SMG1: variants seen among roughly 807,000 people sequenced by gnomAD.
SMG1 encodes the protein SMG1 nonsense mediated mRNA decay associated PI3K related kinase, also known as serine/threonine-protein kinase SMG1.
Under a neutral mutation model 419.9 loss-of-function variants are expected in SMG1, and 22 were observed. That is an observed-to-expected ratio of 0.05 (90% CI 0.04 to 0.07). The LOEUF is 0.07. Among genes scored for constraint, SMG1 ranks in the 10% least tolerant of loss-of-function variants. SMG1 has a pLI of 1.00. For missense variants in SMG1, 3,185 were observed against 4,342.0 expected (o/e 0.73, Z 7.49); for synonymous variants, 1,538 against 1,553.5 (o/e 0.99, Z 0.23).
At chr16:18,814,877 C>CT (rs10582593) in intron 60 of SMG1, among the ~76,000 whole-genome samples, 1,457 of 123,938 alleles carry the variant, frequency 0.012, 32 homozygotes, top group African/African-American at 0.031. Flanking sequence ...CTCGCCCGGC[C>CT]TTTTTTTTTT....
At chr16:18,914,425 C>G (rs995214889) in intron 1 of SMG1, among the ~76,000 whole-genome samples, 6 of 152,046 alleles carry the variant, frequency 3.9e-5, no homozygotes, top group Admixed American at 6.6e-5. Context: ...GCCTGTAATC[C>G]CAGGACTTTG....
Position 18,834,288 on chromosome 16 carries a change from C to T in SMG1, c.8481G>A (p.Leu2827=), listed in dbSNP as rs1175670183. ...TCGGGATATCTAAGTCCTGTGGCAC[C>T]AGGTGGCACTGCTTCAGTAACTGAA... ...CLVQLLKQCH[L]VPQDLDIPNP... The change falls in exon 50 of 63, where the codon CTG becomes CTA. Residue 2827 remains leucine, a synonymous_variant. Transcript: ENST00000446231. 6.2e-7 allele frequency: 1 copy of T among 1,611,616 alleles called. No individual in the cohort carries two copies. Among genetic ancestry groups the T allele is most frequent in the African/African-American group, 1.3e-5 (1 of 74,838 alleles).
intron 58 of SMG1, 92 bp downstream of exon 58, chr16:18,816,200 AATTGTTATTT>A: frequency 1.1e-6 from 1 of 909,404 alleles, no homozygotes; most frequent in Non-Finnish European, 1.6e-6. Context: ...TGATGAGATA[AATTGTTATTT>A]ACAAAATGTC....
At chr16:18,925,170 C>T (rs1368782456) in intron 1 of SMG1, 2 of 152,314 alleles carry the variant, frequency 1.3e-5, no homozygotes, top group East Asian at 3.9e-4. Context: ...CAGGAAACTA[C>T]ATTTATTTAA....
At chr16:18,815,779 C>T in intron 58 of SMG1, 128 bp from the exon 59 acceptor site, 2 of 670,626 alleles carry the variant, frequency 3.0e-6, no homozygotes, top group South Asian at 4.8e-5. Context: ...TAGTTCAACT[C>T]CATTTTTATA....
chr16:18,830,106 T>C lies in SMG1; in HGVS notation c.8953A>G (p.Met2985Val), dbSNP rs377733317. 1 of 1,602,748 alleles carries C rather than the reference T, an allele frequency of 6.2e-7. No individual in the cohort carries two copies. Residue 2985 changes from methionine to valine, a missense_variant, in exon 53 of 63, where the codon ATG becomes GTG. Around this residue, in one of 27 missense-constraint regions of SMG1, gnomAD observed 737 missense variants for 846.6 expected, o/e 0.87. Transcript: ENST00000446231. ...FSLLVEKLNK[M>V]EIPIAWRKID... is the part of the protein sequence containing the mutation. ...TTTCGCCAAGCTATGGGAATTTCCA[T>C]CTTGTTCAACTATGTAAATGAAAGA... is the stretch of plus-strand genomic sequence containing the variant.
intron 1 of SMG1, among the ~76,000 whole-genome samples, chr16:18,914,295 G>C (rs2037892637): frequency 6.6e-6 from 1 of 151,952 alleles, no homozygotes; most frequent in Admixed American, 6.6e-5. Flanking sequence ...ATAATAACAT[G>C]AATATGAATA....
chr16:18,876,255 C>G lies in SMG1; in HGVS notation c.1759G>C (p.Glu587Gln). Residue 587 changes from glutamate to glutamine, a missense_variant, in exon 13 of 63, where the codon GAG (glutamate) becomes CAG (glutamine). By Grantham distance (29) the Glu-to-Gln change is conservative. Transcript: ENST00000446231. ...TCATGTTTTATTTCAGAACAGGCCT[C>G]AGGAAGTTGTAGACTGTGTAGGAGG... Reference protein sequence around the residue: ...NNLLHSLQLPEACSEIKHEAF... With the variant: ...NNLLHSLQLPQACSEIKHEAF... The G allele has an allele frequency of 6.2e-7, 1 of 1,611,746 alleles. No homozygotes were observed. The highest frequency in any genetic ancestry group is 8.5e-7 in the Non-Finnish European group (1 of 1,179,686).
chr16:18,854,072 A>G (rs1388773231), intron 30 of SMG1, among the ~76,000 whole-genome samples: 1 of 145,558 alleles, frequency 6.9e-6, no homozygotes, highest in Non-Finnish European at 1.5e-5. Flanking sequence ...TGCCTAGCCA[A>G]AATACTAAAC....
rs1169700094 is a variant in SMG1 at position 18,872,291 on chromosome 16, A to C, written c.2076T>G (p.Asp692Glu). The C allele has an allele frequency of 6.3e-7, 1 of 1,595,688 alleles. No homozygotes were observed. Residue 692 changes from aspartate to glutamate, a missense_variant, in exon 15 of 63, where the codon GAT becomes GAG. Asp to Glu is a conservative substitution (Grantham distance 45, BLOSUM62 2). Around this residue, in one of 27 missense-constraint regions of SMG1, gnomAD observed 297 missense variants for 491.0 expected, o/e 0.60. Coordinates refer to ENST00000446231, the MANE Select transcript of SMG1 (RefSeq NM_015092.5). ...TAGTTACAGTGCTAATCACAGCTCC[A>C]TCAAACAAAGAAGGAGAGGAAGAAC... ...SLSSSSPSLF[D>E]GAVISTVTTA... is the part of the protein sequence containing the mutation.
intron 1 of SMG1, among the ~76,000 whole-genome samples, chr16:18,914,904 T>C (rs1456804917): frequency 2.0e-5 from 3 of 151,918 alleles, no homozygotes; most frequent in African/African-American, 7.2e-5. Context: ...AAGGTATTTT[T>C]CAAGATGGAT....
At chr16:18,837,147 A>G (rs1408981969) in intron 46 of SMG1, 106 bp downstream of exon 46, 13 of 1,093,756 alleles carry the variant, frequency 1.2e-5, no homozygotes, top group African/African-American at 3.2e-5. Flanking sequence ...AGCTTTTATC[A>G]TTTATGTGAT....
intron 33 of SMG1, 121 bp downstream of exon 33, chr16:18,851,946 T>A: frequency 9.2e-7 from 1 of 1,081,288 alleles, no homozygotes; most frequent in Non-Finnish European, 1.3e-6. Context: ...ATGCAGAAGT[T>A]TTTATTTACA....
chr16:18,885,474 C>G, intron 7 of SMG1, 67 bp downstream of exon 7: 1 of 1,576,380 alleles, frequency 6.3e-7, no homozygotes, highest in Non-Finnish European at 8.6e-7. Context: ...CATCTGTTTC[C>G]TCAGATCCTC....
intron 6 of SMG1, among the ~76,000 whole-genome samples, chr16:18,887,249 T>C (rs952509916): frequency 1.3e-5 from 2 of 152,206 alleles, no homozygotes; most frequent in Non-Finnish European, 2.9e-5. Context: ...TAATTGTGCA[T>C]GCAGAATAAG....
intron 51 of SMG1, among the ~76,000 whole-genome samples, chr16:18,832,411 A>G (rs963796755): frequency 6.6e-6 from 1 of 152,230 alleles, no homozygotes. Context: ...ATTTAAAAGT[A>G]TTCACCTGAA....
intron 1 of SMG1, among the ~76,000 whole-genome samples, chr16:18,914,306 T>G (rs1363208162): frequency 6.6e-6 from 1 of 152,130 alleles, no homozygotes; most frequent in Non-Finnish European, 1.5e-5. Context: ...AATATGAATA[T>G]CAACAGGATA....
At chr16:18,813,539 T>A (rs962534056) in intron 60 of SMG1, among the ~76,000 whole-genome samples, 15 of 152,224 alleles carry the variant, frequency 9.9e-5, no homozygotes, top group African/African-American at 3.4e-4. Context: ...TAAATTTGAG[T>A]TCTTTGTAGA....
intron 13 of SMG1, among the ~76,000 whole-genome samples, chr16:18,873,757 G>A (rs544797859): frequency 3.9e-5 from 6 of 152,124 alleles, no homozygotes; most frequent in Non-Finnish European, 8.8e-5. Flanking sequence ...ATGGCAAGGT[G>A]CCCTGTTCAA....
Sources: allele counts gnomAD v4.1 joint callset (sites outside exome capture counted in the v4.1 genomes callset), GRCh38; gene constraint gnomAD v4.1.1; regional missense constraint gnomAD v4.1.1; transcripts MANE v1.5; gene names NCBI Gene and HGNC (gene_info 2026-07-23, HGNC 2026-07-21).